The following ATG13 variants were observed in gnomAD, a reference collection of about 807,000 sequenced individuals.
ATG13 encodes autophagy-related protein 13.
A neutral mutation model predicts 65.5 loss-of-function variants in ATG13; 23 were observed. The ratio of observed to expected loss-of-function variants is 0.35; its 90% CI spans 0.25 to 0.50. The LOEUF (loss-of-function observed/expected upper bound fraction) is 0.50. Ranked by LOEUF, ATG13 falls within the 20% of genes least tolerant of loss-of-function variation. The pLI, the probability that ATG13 is intolerant of heterozygous loss-of-function variation, is 0.98. For synonymous variants in ATG13, 252 were observed against 245.2 expected (o/e 1.03, Z -0.26); for missense variants, 566 against 677.0 (o/e 0.84, Z 1.82).
chr11:46,634,538 G>C (rs1382757335), intron 2 of ATG13, among the ~76,000 whole-genome samples: 2 of 151,286 alleles, frequency 1.3e-5, no homozygotes, highest in African/African-American at 4.9e-5. Flanking sequence ...GGGACTATAG[G>C]CATGCACCAA....
At chr11:46,650,488 C>T (rs1238425010) in intron 7 of ATG13, among the ~76,000 whole-genome samples, 171 bp downstream of exon 7, 1 of 152,236 alleles carries the variant, frequency 6.6e-6, no homozygotes, top group African/African-American at 2.4e-5. Flanking sequence ...GAACCTCACC[C>T]TTCCAAAGCC....
At chr11:46,665,005 C>CGGGCAGGGGAGGCAG in intron 13 of ATG13, 46 bp downstream of exon 13, 2 of 1,561,972 alleles carry the variant, frequency 1.3e-6, no homozygotes, top group Non-Finnish European at 1.8e-6. Context: ...GTGCTGCCTC[C>CGGGCAGGGGAGGCAG]CCTGCCCGGA....
At chr11:46,623,921 CT>C (rs75003468) in intron 1 of ATG13, among the ~76,000 whole-genome samples, 38 of 141,830 alleles carry the variant, frequency 2.7e-4, no homozygotes, top group South Asian at 4.4e-4. Flanking sequence ...CATTCTTATT[CT>C]TTTTTTTTTT....
intron 7 of ATG13, among the ~76,000 whole-genome samples, chr11:46,653,694 C>T (rs867545648): frequency 6.6e-6 from 1 of 151,772 alleles, no homozygotes; most frequent in Non-Finnish European, 1.5e-5. Context: ...CTCAGCCTCC[C>T]GAGTAGCTGG....
At chr11:46,635,342 G>GT (rs2053591241) in intron 2 of ATG13, among the ~76,000 whole-genome samples, 8 of 152,100 alleles carry the variant, frequency 5.3e-5, no homozygotes, top group Admixed American at 5.2e-4. Flanking sequence ...CATAATAATT[G>GT]TTGTACATAT....
chr11:46,627,088 T>C (rs1292200451), intron 1 of ATG13, among the ~76,000 whole-genome samples: 1 of 151,860 alleles, frequency 6.6e-6, no homozygotes, highest in Non-Finnish European at 1.5e-5. Flanking sequence ...AAAAATAAGA[T>C]AATTAGCCCG....
chr11:46,655,367 C>T lies in ATG13; in HGVS notation c.459-866C>T, dbSNP rs4322353. Among the ~76,000 whole-genome samples the T allele has an allele frequency of 4.4e-3, 663 of 152,144 alleles. 4 individuals are homozygous for T. The highest frequency in any genetic ancestry group is 0.021 in the South Asian group (99 of 4,820). The stretch of plus-strand genomic sequence containing the variant: ...GAGCCGAGATTGCACCACTGCACTC[C>T]AGCCAGGGCGACAGAGTGAGACTCA... On this transcript the variant is annotated intron_variant, in intron 7 of 18. Coordinates refer to ENST00000683050, the MANE Select transcript of ATG13 (RefSeq NM_001346311.2).
At chr11:46,665,637 A>G (rs1466090137) in intron 14 of ATG13, 118 bp downstream of exon 14, 1 of 1,355,022 alleles carries the variant, frequency 7.4e-7, no homozygotes, top group Non-Finnish European at 9.9e-7. Context: ...GGGACATGGC[A>G]TTTGAGCCCA....
chr11:46,657,237 A>T (rs773712767), intron 9 of ATG13, 46 bp downstream of exon 9: 4 of 1,543,612 alleles, frequency 2.6e-6, no homozygotes, highest in Non-Finnish European at 8.9e-7. Flanking sequence ...CGAAAATGTT[A>T]AAGTTTTTTT....
At chr11:46,665,609 T>TAACTTTCA in intron 14 of ATG13, 90 bp downstream of exon 14, 1 of 1,494,858 alleles carries the variant, frequency 6.7e-7, no homozygotes, top group Non-Finnish European at 9.0e-7. Context: ...TAGTAAAGAG[T>TAACTTTCA]AACTTTCAGC....
intron 2 of ATG13, among the ~76,000 whole-genome samples, chr11:46,632,034 GT>G (rs2051964786): frequency 6.6e-6 from 1 of 152,140 alleles, no homozygotes; most frequent in African/African-American, 2.4e-5. Flanking sequence ...CCAATAAATA[GT>G]TTTTATTACT....
intron 17 of ATG13, 149 bp downstream of exon 17, chr11:46,669,059 A>G: frequency 1.3e-6 from 1 of 744,574 alleles, no homozygotes; most frequent in Non-Finnish European, 2.2e-6. Context: ...GTCTGGGGAG[A>G]CATTTTGGAG....
At chr11:46,665,355 C>T in intron 13 of ATG13, 28 bp from the exon 14 acceptor site, 1 of 1,608,152 alleles carries the variant, frequency 6.2e-7, no homozygotes, top group Non-Finnish European at 8.5e-7. Context: ...TGCCATGATT[C>T]ACTGTCTCTT....
At chr11:46,660,758 G>A (rs1046661879) in intron 11 of ATG13, among the ~76,000 whole-genome samples, 2 of 151,320 alleles carry the variant, frequency 1.3e-5, no homozygotes, top group African/African-American at 4.9e-5. Flanking sequence ...ACTCAGGCTG[G>A]AGTGCAGTGG....
rs201617739 is a variant in ATG13, at chr11:46,657,078, T to A, written c.500-17T>A. The A allele has an allele frequency of 6.3e-7, 1 of 1,597,312 alleles. No individual in the cohort carries two copies. Among genetic ancestry groups the A allele is most frequent in the African/African-American group, 1.3e-5 (1 of 74,510 alleles). On this transcript the variant is annotated splice_polypyrimidine_tract_variant and intron_variant, in intron 8 of 18. Transcript: ENST00000683050. ...TATTCTCTGCAAAAGAAGCTAATAA[T>A]GTATCTCTTCTCCTAGGCTTCCAGA...
chr11:46,662,290 C>A (rs1341980492), intron 11 of ATG13, among the ~76,000 whole-genome samples: 2 of 152,128 alleles, frequency 1.3e-5, no homozygotes, highest in African/African-American at 4.8e-5. Flanking sequence ...TTTCAGTAAG[C>A]AGTTCTGTTT....
Position 46,645,997 on chromosome 11 carries a change from T to C in ATG13, c.270+8T>C. 6.2e-7 allele frequency: 1 copy of C among 1,614,082 alleles called. No individual in the cohort carries two copies. The highest frequency in any genetic ancestry group is 8.5e-7 in the Non-Finnish European group (1 of 1,179,940). ...TCACTTAAGACTTCTGAGGTAAGGC[T>C]ATGGCCAGGTTGGTGTCTTCATTTA... On this transcript the variant is annotated splice_region_variant and intron_variant, in intron 5 of 18. Coordinates refer to ENST00000683050, the MANE Select transcript of ATG13 (RefSeq NM_001346311.2).
intron 2 of ATG13, among the ~76,000 whole-genome samples, chr11:46,635,083 T>C (rs1479303680): frequency 6.6e-6 from 1 of 151,390 alleles, no homozygotes; most frequent in African/African-American, 2.4e-5. Context: ...TCTGAACTCA[T>C]GGCAGCCTCT....
intron 2 of ATG13, among the ~76,000 whole-genome samples, chr11:46,637,722 T>C (rs553206838): frequency 6.6e-6 from 1 of 152,334 alleles, no homozygotes; most frequent in Admixed American, 6.5e-5. Context: ...TCAGCTGTTA[T>C]CATTTGCATT....
Sources: gnomAD v4.1 joint callset for allele counts (sites outside exome capture counted in the v4.1 genomes callset) on GRCh38, gnomAD v4.1.1 for gene constraint, MANE v1.5 for transcripts, NCBI Gene and HGNC (gene_info 2026-07-23, HGNC 2026-07-21) for gene names.